Variants in ARL4A observed in about 807,000 individuals in gnomAD.
The protein encoded by ARL4A is ARF like GTPase 4A.
ARL4A carries 5 observed loss-of-function variants against 13.9 expected under a neutral mutation model. The ratio of observed to expected loss-of-function variants is 0.36; its 90% confidence interval spans 0.19 to 0.75. The LOEUF (loss-of-function observed/expected upper bound fraction) is 0.75. ARL4A is among the 30% of genes least tolerant of loss of function. The probability of loss-of-function intolerance (pLI) is 0.53; values close to 1 mark genes in which losing one functional copy is unlikely to be tolerated. For missense variants in ARL4A, 147 were observed against 225.8 expected (o/e 0.65, Z 2.24); for synonymous variants, 77 against 84.4 (o/e 0.91, Z 0.48).
In ARL4A at chr7:12,688,168, GTC is replaced by G; in HGVS notation, c.-85_-84del. The G allele has an allele frequency of 6.7e-7, 1 of 1,494,096 alleles. No homozygotes were observed. The highest frequency in any genetic ancestry group is 1.4e-5 in the South Asian group (1 of 71,500). 92.6% of individuals were successfully genotyped at this position (1,494,096 alleles called of 1,614,324 possible). A position where few individuals can be genotyped will look rare whatever the true frequency, so the allele number is the denominator to read the frequency against. On this transcript the variant is annotated 5_prime_UTR_variant, in exon 2 of 2. It removes the in-frame stop codon of an upstream open reading frame in the 5' UTR. Transcript: ENST00000651779. This position sits in a 1 kb window ranked among gnomAD's most constrained non-coding sequence, Gnocchi z 5.2. ...TTATTCCTTCTTCCGTCTCCCAGCA[GTC>G]TTATAGCTGGATCAGCTACCAAGAG...
In ARL4A at chr7:12,688,918, G is replaced by C. The variant is rs1784573243; in HGVS notation, c.*61G>C. On this transcript the variant is annotated 3_prime_UTR_variant, in exon 2 of 2. Transcript: ENST00000651779. This position sits in a 1 kb window ranked among gnomAD's most constrained non-coding sequence, Gnocchi z 5.2. ...TTCTCTGGTCTGATTTTGACAAATAGAAGAGTGTCTACAGCGTGGTTTGCC... is the reference window on the plus strand; with the variant it reads ...TTCTCTGGTCTGATTTTGACAAATACAAGAGTGTCTACAGCGTGGTTTGCC... 6.7e-7 allele frequency: 1 copy of C among 1,489,166 alleles called. No individual in the cohort carries two copies. Among genetic ancestry groups the C allele is most frequent in the Non-Finnish European group, 9.1e-7 (1 of 1,104,106 alleles). 92.2% of individuals were successfully genotyped at this position (1,489,166 alleles called of 1,614,324 possible).
At chr7:12,687,497 A>C (rs1415222616), upstream of ARL4A, 1 of 152,788 alleles carries the variant, frequency 6.5e-6, no homozygotes, top group Non-Finnish European at 1.5e-5. This position sits in a 1 kb window ranked among gnomAD's most constrained non-coding sequence, Gnocchi z 5.6. Context: ...AGTTACCCTC[A>C]CCAATTAGGG....
rs1024273724 is a variant in ARL4A, at chr7:12,688,934, G to T, written c.*77G>T. The T allele has an allele frequency of 6.9e-7, 1 of 1,439,896 alleles. No individual in the cohort carries two copies. Among genetic ancestry groups the T allele is most frequent in the Non-Finnish European group, 9.4e-7 (1 of 1,065,268 alleles). 89.2% of individuals were successfully genotyped at this position (1,439,896 alleles called of 1,614,324 possible). A position where few individuals can be genotyped will look rare whatever the true frequency, so the allele number is the denominator to read the frequency against. On this transcript the variant is annotated 3_prime_UTR_variant, in exon 2 of 2. Transcript: ENST00000651779. This position sits in a 1 kb window ranked among gnomAD's most constrained non-coding sequence, Gnocchi z 5.2. ...TGACAAATAGAAGAGTGTCTACAGC[G>T]TGGTTTGCCTGTCTGCCCTCCTGGA...
chr7:12,688,162 C>G lies in ARL4A; in HGVS notation c.-89-4C>G. On this transcript the variant is annotated splice_region_variant and splice_polypyrimidine_tract_variant and intron_variant, in intron 1 of 1. Coordinates refer to ENST00000651779, the MANE Select transcript of ARL4A (RefSeq NM_005738.5). This position sits in a 1 kb window ranked among gnomAD's most constrained non-coding sequence, Gnocchi z 5.2. ...AATAACTTATTCCTTCTTCCGTCTC[C>G]CAGCAGTCTTATAGCTGGATCAGCT... 6.8e-7 allele frequency: 1 copy of G among 1,474,300 alleles called. No homozygotes were observed. The highest frequency in any genetic ancestry group is 9.1e-7 in the Non-Finnish European group (1 of 1,103,740). The allele number at this position is 1,474,300 out of a possible 1,614,324, so 91.3% of individuals were successfully genotyped here. A position where few individuals can be genotyped will look rare whatever the true frequency, so the allele number is the denominator to read the frequency against.
rs1784588825 is a variant in ARL4A, at chr7:12,689,822, G to T, written c.*965G>T. On this transcript the variant is annotated 3_prime_UTR_variant, in exon 2 of 2. Transcript: ENST00000651779. The stretch of plus-strand genomic sequence containing the variant: ...CAAGATATTTGTTTTATTAATATTT[G>T]CTGGCTAAAAACAAATGTGGTTTTT... 1 of 166,710 alleles carries T rather than the reference G, an allele frequency of 6.0e-6. No homozygotes were observed. Among genetic ancestry groups the T allele is most frequent in the African/African-American group, 2.4e-5 (1 of 41,450 alleles). The allele number at this position is 166,710 out of a possible 1,614,324, so 10.3% of individuals were successfully genotyped here. A position where few individuals can be genotyped will look rare whatever the true frequency, so the allele number is the denominator to read the frequency against.
rs917859909 is a variant in ARL4A at position 12,690,042 on chromosome 7, T to G, written c.*1185T>G. On this transcript the variant is annotated 3_prime_UTR_variant, in exon 2 of 2. Transcript: ENST00000651779. ...ATGGTAACAGTATGGCAGATAAGAA[T>G]TACAATTATAGAAAATGAGGGGAAA... 6.0e-6 allele frequency: 1 copy of G among 166,954 alleles called. No individual in the cohort carries two copies. The highest frequency in any genetic ancestry group is 2.4e-5 in the African/African-American group (1 of 41,414). The allele number at this position is 166,954 out of a possible 1,614,324, so 10.3% of individuals were successfully genotyped here.
At position 12,688,296 on chromosome 7, in the gene ARL4A, C is replaced by T. The variant is rs967813264; in HGVS notation, c.42C>T (p.Asn14=). ...GLSDQTSILS[N]LPSFQSFHIV... is the part of the protein sequence containing the mutation. Reference sequence around the variant, plus strand: ...CAGACCAGACTTCTATCCTGTCCAACCTGCCTTCATTTCAGTCTTTCCACA... The same window carrying T: ...CAGACCAGACTTCTATCCTGTCCAATCTGCCTTCATTTCAGTCTTTCCACA... The change falls in exon 2 of 2, where the codon AAC becomes AAT. Residue 14 remains asparagine, a synonymous_variant. Coordinates refer to ENST00000651779, the MANE Select transcript of ARL4A (RefSeq NM_005738.5). This position sits in a 1 kb window ranked among gnomAD's most constrained non-coding sequence, Gnocchi z 5.2. 3 of 1,612,116 alleles carry T rather than the reference C, an allele frequency of 1.9e-6. No homozygotes were observed. Among genetic ancestry groups the T allele is most frequent in the Admixed American group, 3.3e-5 (2 of 59,856 alleles).
chr7:12,688,743 T>C lies in ARL4A; in HGVS notation c.489T>C (p.His163=). The C allele has an allele frequency of 6.2e-7, 1 of 1,613,982 alleles. No individual in the cohort carries two copies. The highest frequency in any genetic ancestry group is 8.5e-7 in the Non-Finnish European group (1 of 1,179,866). ...AACTGAGCTCATCAACTCCTTGGCA[T>C]TTGCAGCCTACCTGTGCAATCATAG... ...MGELSSSTPW[H]LQPTCAIIGD... The change falls in exon 2 of 2, where the codon CAT becomes CAC. Residue 163 remains histidine, a synonymous_variant. Coordinates refer to ENST00000651779, the MANE Select transcript of ARL4A (RefSeq NM_005738.5). The surrounding 1 kb of genome is among the most constrained non-coding windows in gnomAD (Gnocchi z 5.2).
At chr7:12,687,123 G>T (rs1784531892), upstream of ARL4A, 1 of 152,352 alleles carries the variant, frequency 6.6e-6, no homozygotes, top group Non-Finnish European at 1.5e-5. The surrounding 1 kb of genome is among the most constrained non-coding windows in gnomAD (Gnocchi z 5.6). Flanking sequence ...GAGGGACAGG[G>T]TGAAGGGATC....
rs1178719498 is a variant in ARL4A at position 12,690,138 on chromosome 7, A to G, written c.*1281A>G. The stretch of plus-strand genomic sequence containing the variant: ...GAATAAAAAGCTCTATAAGGAGGAA[A>G]GGCCTTTATCTAATTCTTATCTACA... On this transcript the variant is annotated 3_prime_UTR_variant, in exon 2 of 2. Coordinates refer to ENST00000651779, the MANE Select transcript of ARL4A (RefSeq NM_005738.5). The G allele has an allele frequency of 6.0e-6, 1 of 167,034 alleles. No individual in the cohort carries two copies. The highest frequency in any genetic ancestry group is 1.5e-5 in the Non-Finnish European group (1 of 68,096). The allele number at this position is 167,034 out of a possible 1,614,324, so 10.3% of individuals were successfully genotyped here.
At position 12,690,296 on chromosome 7, in the gene ARL4A, T is replaced by G. The variant is rs1303603506; in HGVS notation, c.*1439T>G. On this transcript the variant is annotated 3_prime_UTR_variant, in exon 2 of 2. Transcript: ENST00000651779. ...TTTGTTTTGGCTTTGGGTTTTGTTT[T>G]TTTGTTTTTTTTTTTTTTCAGTGGC... The G allele has an allele frequency of 2.1e-5, 3 of 142,020 alleles. No individual in the cohort carries two copies. Among genetic ancestry groups the G allele is most frequent in the African/African-American group, 8.3e-5 (3 of 36,042 alleles). The allele number at this position is 142,020 out of a possible 1,614,324, so 8.8% of individuals were successfully genotyped here.
upstream of ARL4A, chr7:12,687,311 A>G (rs1410842377): frequency 1.3e-5 from 2 of 152,188 alleles, no homozygotes; most frequent in African/African-American, 4.8e-5. The surrounding 1 kb of genome is among the most constrained non-coding windows in gnomAD (Gnocchi z 5.6). Flanking sequence ...GCTGCGCTGC[A>G]GGTGCGCCGG....
rs753373743 is a variant in ARL4A, at chr7:12,690,786, T to C, written c.*1929T>C. On this transcript the variant is annotated 3_prime_UTR_variant, in exon 2 of 2. Transcript: ENST00000651779. ...CTTTCTGTCTACCTACTATGTAAAA[T>C]AGTGCTGTTTTTAAGTATTTCAAAA... 3 of 166,998 alleles carry C rather than the reference T, an allele frequency of 1.8e-5. No individual in the cohort carries two copies. The highest frequency in any genetic ancestry group is 4.4e-5 in the Non-Finnish European group (3 of 68,100). 10.3% of individuals were successfully genotyped at this position (166,998 alleles called of 1,614,324 possible). A position where few individuals can be genotyped will look rare whatever the true frequency, so the allele number is the denominator to read the frequency against.
rs1255299249 is a variant in ARL4A at position 12,689,066 on chromosome 7, A to G, written c.*209A>G. ...TAAAGTGGTCTCTTCTCCCTACCCC[A>G]CAAATCTTTTGGTACTACCATTTGG... is the stretch of plus-strand genomic sequence containing the variant. On this transcript the variant is annotated 3_prime_UTR_variant, in exon 2 of 2. Coordinates refer to ENST00000651779, the MANE Select transcript of ARL4A (RefSeq NM_005738.5). The G allele has an allele frequency of 9.8e-6, 5 of 508,778 alleles. No homozygotes were observed. The East Asian group carries it at 1.4e-4, about 14-fold the overall frequency. 31.5% of individuals were successfully genotyped at this position (508,778 alleles called of 1,614,324 possible).
rs544967984 is a variant in ARL4A, at chr7:12,689,440, A to G, written c.*583A>G. 2.4e-5 allele frequency: 4 copies of G among 167,332 alleles called. No homozygotes were observed. Among genetic ancestry groups the G allele is most frequent in the Non-Finnish European group, 4.4e-5 (3 of 68,328 alleles). 10.4% of individuals were successfully genotyped at this position (167,332 alleles called of 1,614,324 possible). On this transcript the variant is annotated 3_prime_UTR_variant, in exon 2 of 2. Coordinates refer to ENST00000651779, the MANE Select transcript of ARL4A (RefSeq NM_005738.5). ...ATTTAATAGTATAGCTTAATTCTAGACAATGTTTAAGTTGGTCTACCTTTA... is the reference window on the plus strand; with the variant it reads ...ATTTAATAGTATAGCTTAATTCTAGGCAATGTTTAAGTTGGTCTACCTTTA...
rs1265158961 is a variant in ARL4A at position 12,690,648 on chromosome 7, C to G, written c.*1791C>G. On this transcript the variant is annotated 3_prime_UTR_variant, in exon 2 of 2. Transcript: ENST00000651779. ...CTGTTTTTTTTTTTTTCTCCCTTCACTGATACTGAAATCATGGTATCTGCT... is the reference window on the plus strand; with the variant it reads ...CTGTTTTTTTTTTTTTCTCCCTTCAGTGATACTGAAATCATGGTATCTGCT... The G allele has an allele frequency of 6.6e-6, 1 of 151,298 alleles. No individual in the cohort carries two copies. Among genetic ancestry groups the G allele is most frequent in the Non-Finnish European group, 1.5e-5 (1 of 65,488 alleles). The allele number at this position is 151,298 out of a possible 1,614,324, so 9.4% of individuals were successfully genotyped here. A position where few individuals can be genotyped will look rare whatever the true frequency, so the allele number is the denominator to read the frequency against.
At chr7:12,687,392 G>C (rs1259742212), upstream of ARL4A, 2 of 152,240 alleles carry the variant, frequency 1.3e-5, no homozygotes, top group Non-Finnish European at 2.9e-5. This position sits in a 1 kb window ranked among gnomAD's most constrained non-coding sequence, Gnocchi z 5.6. Flanking sequence ...GCGGCTGCTC[G>C]GCTCCCTCTG....
Position 12,688,873 on chromosome 7 carries a change from A to G in ARL4A, c.*16A>G, listed in dbSNP as rs374024402. 65 of 1,589,012 alleles carry G rather than the reference A, an allele frequency of 4.1e-5. No homozygotes were observed. In the East Asian group the frequency reaches 1.4e-3, roughly 35 times the overall value. ...GAAAAGATGAATATCAATACCTATTATATCTGTGTGGAGTAGGTTTTCTCT... is the reference window on the plus strand; with the variant it reads ...GAAAAGATGAATATCAATACCTATTGTATCTGTGTGGAGTAGGTTTTCTCT... On this transcript the variant is annotated 3_prime_UTR_variant, in exon 2 of 2. Coordinates refer to ENST00000651779, the MANE Select transcript of ARL4A (RefSeq NM_005738.5). The surrounding 1 kb of genome is among the most constrained non-coding windows in gnomAD (Gnocchi z 5.2).
chr7:12,688,565 A>C lies in ARL4A; in HGVS notation c.311A>C (p.Asp104Ala), dbSNP rs1214374821. The C allele has an allele frequency of 2.5e-6, 4 of 1,611,960 alleles. No homozygotes were observed. The highest frequency in any genetic ancestry group is 3.4e-6 in the Non-Finnish European group (4 of 1,179,840). ...DGIVFVVDSV[D>A]VERMEEAKTE... ...ATTGTATTTGTTGTGGACTCTGTTG[A>C]TGTCGAAAGGATGGAAGAAGCCAAA... Residue 104 changes from aspartate (D) to alanine (A), a missense_variant, in exon 2 of 2, where the codon GAT (aspartate) becomes GCT (alanine). Coordinates refer to ENST00000651779, the MANE Select transcript of ARL4A (RefSeq NM_005738.5). This position sits in a 1 kb window ranked among gnomAD's most constrained non-coding sequence, Gnocchi z 5.2.
Sources: allele counts gnomAD v4.1 joint callset, GRCh38; gene constraint gnomAD v4.1.1; non-coding constraint Gnocchi (gnomAD v3.1); transcripts MANE v1.5; gene names NCBI Gene and HGNC (gene_info 2026-07-23, HGNC 2026-07-21).